NLGN1: variants seen among roughly 807,000 people sequenced by gnomAD.
The protein encoded by NLGN1 is neuroligin 1, also known as neuroligin-1.
A neutral mutation model predicts 65.5 loss-of-function variants in NLGN1; 12 were observed. The observed-to-expected ratio is 0.18, with a 90% CI of 0.12 to 0.30. The LOEUF (loss-of-function observed/expected upper bound fraction) is 0.30, where lower values mean the gene tolerates loss of function less well. NLGN1 is among the 10% of genes least tolerant of loss of function. The pLI is 1.00. For missense variants in NLGN1, 750 were observed against 1,007.1 expected (o/e 0.74, Z 3.46); for synonymous variants, 350 against 359.5 (o/e 0.97, Z 0.30).
intron 4 of NLGN1, among the ~76,000 whole-genome samples, chr3:174,266,610 T>TTAAG (rs1461657787): frequency 6.6e-6 from 1 of 152,168 alleles, no homozygotes. Flanking sequence ...TATTTCTATT[T>TTAAG]TAAGTTCTTC....
At chr3:173,897,269 T>A (rs1368223309) in intron 4 of NLGN1, among the ~76,000 whole-genome samples, 4 of 152,232 alleles carry the variant, frequency 2.6e-5, no homozygotes, top group African/African-American at 4.8e-5. Context: ...ATCACCTGAC[T>A]AGCATCTTGA....
At chr3:173,630,449 A>G (rs1415843719) in intron 3 of NLGN1, among the ~76,000 whole-genome samples, 4 of 152,306 alleles carry the variant, frequency 2.6e-5, no homozygotes, top group African/African-American at 7.2e-5. Flanking sequence ...TTAAAAAAAA[A>G]AGGAAAAAGA....
chr3:173,459,462 C>T (rs922721535), intron 2 of NLGN1, among the ~76,000 whole-genome samples: 1 of 152,120 alleles, frequency 6.6e-6, no homozygotes, highest in African/African-American at 2.4e-5. Flanking sequence ...AGTGACATTT[C>T]TTTGCTTAAT....
At chr3:173,978,628 G>T (rs1447410615) in intron 4 of NLGN1, among the ~76,000 whole-genome samples, 1 of 151,774 alleles carries the variant, frequency 6.6e-6, no homozygotes, top group Non-Finnish European at 1.5e-5. Context: ...AAAAGAATGT[G>T]ATGTCATTAA....
At chr3:173,574,062 C>CAAAAAAAAA (rs1192427397) in intron 2 of NLGN1, among the ~76,000 whole-genome samples, 3 of 51,908 alleles carry the variant, frequency 5.8e-5, no homozygotes, top group Non-Finnish European at 1.1e-4. Context: ...GACTCCACCT[C>CAAAAAAAAA]AAAAAAAAAA....
chr3:174,273,500 G>T (rs1305142821), intron 4 of NLGN1, among the ~76,000 whole-genome samples: 2 of 151,606 alleles, frequency 1.3e-5, no homozygotes, highest in Non-Finnish European at 3.0e-5. Context: ...AGAGTTAAAA[G>T]AATTCCTGCC....
chr3:173,475,840 G>C (rs769539535), intron 2 of NLGN1, among the ~76,000 whole-genome samples: 1 of 152,136 alleles, frequency 6.6e-6, no homozygotes, highest in South Asian at 2.1e-4. Context: ...TTCTAAAAGA[G>C]AACAACTGCA....
In NLGN1 at chr3:173,415,939, A is replaced by AGCGCGC. The variant is rs532760228; in HGVS notation, c.-390+17453_-390+17454insCGCGCG. Reference sequence around the variant, plus strand: ...GAGAGGGAGAGAGAGAGAGAGAGAGAGAGAGCTTGGTATAGAGCCTAACAC... The same window carrying AGCGCGC: ...GAGAGGGAGAGAGAGAGAGAGAGAGAGCGCGCGAGAGCTTGGTATAGAGCCTAACAC... On this transcript the variant is annotated intron_variant, in intron 1 of 6. Coordinates refer to ENST00000457714, the Ensembl canonical transcript of NLGN1. 9.7e-4 allele frequency among the ~76,000 whole-genome samples: 120 copies of AGCGCGC among 123,224 alleles called. 1 individual carries two copies. The highest frequency in any genetic ancestry group is 3.4e-3 in the African/African-American group (112 of 33,086). 80.8% of individuals were successfully genotyped at this position (123,224 alleles called of 152,430 possible).
chr3:173,916,433 T>C (rs1221196782), intron 4 of NLGN1, among the ~76,000 whole-genome samples: 2 of 152,060 alleles, frequency 1.3e-5, no homozygotes, highest in African/African-American at 2.4e-5. Context: ...CTTAAGGAAA[T>C]AGATAGGAGA....
At chr3:173,823,674 C>T (rs935895952) in intron 4 of NLGN1, among the ~76,000 whole-genome samples, 2 of 151,984 alleles carry the variant, frequency 1.3e-5, no homozygotes, top group Non-Finnish European at 2.9e-5. Context: ...ATTTCAAGTA[C>T]TCAATAGTCA....
At chr3:173,916,723 C>T (rs868018983) in intron 4 of NLGN1, among the ~76,000 whole-genome samples, 9 of 152,230 alleles carry the variant, frequency 5.9e-5, no homozygotes, top group Middle Eastern at 6.8e-3. Context: ...TAAATTTGAT[C>T]AGACTGGAAT....
rs55747253 is a variant in NLGN1 at position 173,765,052 on chromosome 3, ATGTGTGTGTGTG to A, written c.494-42592_494-42581del. ...AGAAATTGCTAATTGCTGTGGGTGC[ATGTGTGTGTGTG>A]TGTGTGTGTGTGTGTGTGTGTGTGT... On this transcript the variant is annotated intron_variant, in intron 3 of 6. Transcript: ENST00000457714. Among the ~76,000 whole-genome samples the A allele has an allele frequency of 9.6e-4, 131 of 136,284 alleles. 2 individuals carry two copies. The highest frequency in any genetic ancestry group is 7.4e-3 in the Middle Eastern group (2 of 272). 89.4% of individuals were successfully genotyped at this position (136,284 alleles called of 152,430 possible).
chr3:173,916,744 T>C (rs6445128), intron 4 of NLGN1, among the ~76,000 whole-genome samples: 52,897 of 152,000 alleles, frequency 0.35, 10,060 homozygotes, highest in African/African-American at 0.5. Flanking sequence ...ATAGGATGCG[T>C]GTTCTAGTTT....
intron 2 of NLGN1, among the ~76,000 whole-genome samples, chr3:173,495,674 T>C (rs1180695491): frequency 1.2e-5 from 1 of 83,602 alleles, no homozygotes; most frequent in African/African-American, 4.2e-5. Context: ...TCTAAGAGTC[T>C]TTTTTGAAAA....
chr3:173,622,669 G>C (rs1363864266), intron 3 of NLGN1, among the ~76,000 whole-genome samples: 1 of 151,958 alleles, frequency 6.6e-6, no homozygotes, highest in African/African-American at 2.4e-5. Context: ...GCTGATGCCA[G>C]GACTGCATCG....
chr3:173,545,950 G>T (rs1488792870), intron 2 of NLGN1, among the ~76,000 whole-genome samples: 5 of 152,134 alleles, frequency 3.3e-5, no homozygotes, highest in Non-Finnish European at 5.9e-5. Context: ...GTCAGGGGGT[G>T]GGGGGCTAGG....
intron 2 of NLGN1, among the ~76,000 whole-genome samples, chr3:173,565,012 G>A (rs748399230): frequency 3.3e-5 from 5 of 152,144 alleles, no homozygotes; most frequent in Admixed American, 6.5e-5. Flanking sequence ...TCTGTTGAGC[G>A]GAGGGAATGA....
At chr3:173,409,828 G>A (rs1712136080) in intron 1 of NLGN1, among the ~76,000 whole-genome samples, 1 of 152,214 alleles carries the variant, frequency 6.6e-6, no homozygotes, top group South Asian at 2.1e-4. Flanking sequence ...TGATGGGGAA[G>A]GCCAGGAAGA....
chr3:174,175,160 A>G (rs1259653071), intron 4 of NLGN1, among the ~76,000 whole-genome samples: 2 of 151,928 alleles, frequency 1.3e-5, no homozygotes. Context: ...CATATATTTT[A>G]TAGTACAGAT....
Sources: gnomAD v4.1 joint callset for allele counts (sites outside exome capture counted in the v4.1 genomes callset) on GRCh38, gnomAD v4.1.1 for gene constraint, MANE v1.5 for transcripts, NCBI Gene and HGNC (gene_info 2026-07-23, HGNC 2026-07-21) for gene names.